The following QTGAL variants were observed in gnomAD, a reference collection of about 807,000 sequenced individuals.
QTGAL encodes the protein BGnT-like protein 1.
chr17:83,011,007 G>C, the QTGAL span, among the ~76,000 whole-genome samples: 2 of 152,258 alleles, frequency 1.3e-5, no homozygotes, highest in African/African-American at 4.8e-5. Context: ...GGTCTTGAAC[G>C]TTGGGAACAG....
At chr17:83,011,396 T>C in the QTGAL span, 2 of 152,260 alleles carry the variant, frequency 1.3e-5, no homozygotes, top group African/African-American at 4.8e-5. Context: ...AGCTGGTTTC[T>C]TGTAAAAGAT....
the QTGAL span, among the ~76,000 whole-genome samples, chr17:82,973,996 T>C: frequency 6.6e-6 from 1 of 152,106 alleles, no homozygotes; most frequent in Non-Finnish European, 1.5e-5. Flanking sequence ...CCTTGCCCCA[T>C]GGGGCGCGTT....
the QTGAL span, among the ~76,000 whole-genome samples, chr17:83,026,270 C>A: frequency 6.6e-6 from 1 of 152,206 alleles, no homozygotes; most frequent in African/African-American, 2.4e-5. Context: ...GCTGGCAATT[C>A]CACTTCCAGG....
chr17:83,018,337 T>TGTGTG, the QTGAL span, among the ~76,000 whole-genome samples: 1 of 152,216 alleles, frequency 6.6e-6, no homozygotes, highest in Admixed American at 6.5e-5. Context: ...GGTGTGGCTG[T>TGTGTG]ATCATGTACC....
At chr17:83,016,869 CA>C in the QTGAL span, among the ~76,000 whole-genome samples, 3 of 152,026 alleles carry the variant, frequency 2.0e-5, no homozygotes, top group Non-Finnish European at 2.9e-5. Context: ...TCAAAGGAAC[CA>C]CAGGCACCAC....
At chr17:82,958,968 G>C in the QTGAL span, among the ~76,000 whole-genome samples, 1 of 111,018 alleles carries the variant, frequency 9.0e-6, no homozygotes, top group African/African-American at 3.7e-5. Flanking sequence ...GTGTGTGTGT[G>C]TACACTGTGG....
At chr17:83,001,847 G>A in the QTGAL span, among the ~76,000 whole-genome samples, 1 of 152,150 alleles carries the variant, frequency 6.6e-6, no homozygotes, top group Non-Finnish European at 1.5e-5. Flanking sequence ...ATGGCTCATG[G>A]TGGCCTTGAC....
the QTGAL span, among the ~76,000 whole-genome samples, chr17:82,955,721 C>T: frequency 6.6e-6 from 1 of 152,116 alleles, no homozygotes; most frequent in East Asian, 1.9e-4. Context: ...CAGCACCATT[C>T]ACAATAGCAA....
At chr17:83,032,927 A>G in the QTGAL span, among the ~76,000 whole-genome samples, 4 of 152,172 alleles carry the variant, frequency 2.6e-5, no homozygotes, top group African/African-American at 9.7e-5. Flanking sequence ...TACCAGGAGC[A>G]TGTGCAGAGG....
the QTGAL span, chr17:83,014,410 A>G: frequency 2.2e-5 from 35 of 1,589,810 alleles, no homozygotes; most frequent in Non-Finnish European, 2.9e-5. Context: ...CACAGTGGTA[A>G]TTTCACTAAA....
the QTGAL span, among the ~76,000 whole-genome samples, chr17:83,026,585 G>A: frequency 2.0e-5 from 3 of 150,210 alleles, no homozygotes; most frequent in Non-Finnish European, 3.0e-5. Context: ...GCAGGGCAGG[G>A]AGCCTGCAGA....
the QTGAL span, among the ~76,000 whole-genome samples, chr17:82,958,860 G>GGT: frequency 4.2e-4 from 32 of 75,406 alleles, no homozygotes; most frequent in African/African-American, 2.0e-3. Flanking sequence ...GGGGGTGTAT[G>GGT]GTGTGTGTGT....
chr17:82,958,858 ATGGTGTGT>A, the QTGAL span, among the ~76,000 whole-genome samples: 1 of 52,044 alleles, frequency 1.9e-5, no homozygotes, highest in Non-Finnish European at 3.5e-5. Context: ...CTGGGGGTGT[ATGGTGTGT>A]GTGTGTGTGT....
chr17:83,031,187 C>T, the QTGAL span, among the ~76,000 whole-genome samples: 9 of 152,256 alleles, frequency 5.9e-5, no homozygotes, highest in African/African-American at 9.6e-5. Flanking sequence ...GAGGAAACGC[C>T]GCGTCAGGCA....
the QTGAL span, among the ~76,000 whole-genome samples, chr17:82,977,234 C>T: frequency 4.6e-5 from 7 of 152,336 alleles, no homozygotes; most frequent in Admixed American, 1.3e-4. Context: ...TTACAGGCCG[C>T]GAAGTCGGAA....
chr17:83,033,113 A>T, the QTGAL span, among the ~76,000 whole-genome samples: 1 of 152,208 alleles, frequency 6.6e-6, no homozygotes, highest in African/African-American at 2.4e-5. Flanking sequence ...ATACAGATAA[A>T]TGTTCCTGAA....
chr17:82,965,329 C>A, the QTGAL span, among the ~76,000 whole-genome samples: 1 of 152,184 alleles, frequency 6.6e-6, no homozygotes, highest in Non-Finnish European at 1.5e-5. Context: ...AGAGACAGCT[C>A]TGCCAAAAGC....
At chr17:82,980,023 C>T in the QTGAL span, among the ~76,000 whole-genome samples, 1 of 152,144 alleles carries the variant, frequency 6.6e-6, no homozygotes, top group South Asian at 2.1e-4. Context: ...ATTCATAAGC[C>T]AAAACGAACA....
the QTGAL span, among the ~76,000 whole-genome samples, chr17:82,959,565 G>A: frequency 1.3e-5 from 2 of 151,968 alleles, no homozygotes; most frequent in Non-Finnish European, 2.9e-5. Context: ...TTGGCATCTT[G>A]TCCTTAGCAG....
Sources: allele counts gnomAD v4.1 joint callset (sites outside exome capture counted in the v4.1 genomes callset), GRCh38; gene constraint gnomAD v4.1.1; transcripts MANE v1.5; gene names NCBI Gene and HGNC (gene_info 2026-07-23, HGNC 2026-07-21).